Variants in RELN observed in about 807,000 individuals in gnomAD.
The protein encoded by RELN is reelin.
Under a neutral mutation model 427.6 loss-of-function variants are expected in RELN, and 108 were observed. The ratio of observed to expected loss-of-function variants is 0.25; its 90% CI spans 0.22 to 0.30. The LOEUF is 0.30. Among genes scored for constraint, RELN ranks in the 10% least tolerant of loss-of-function variants. The probability of loss-of-function intolerance (pLI) is 1.00; values close to 1 mark genes in which losing one functional copy is unlikely to be tolerated. For synonymous variants in RELN, 1,524 were observed against 1,513.4 expected, an observed-to-expected ratio of 1.01 and a Z score of -0.16; for missense variants, 3,715 against 4,302.8, an observed-to-expected ratio of 0.86 and a Z score of 3.82.
chr7:103,706,963 T>C (rs1212533801), intron 8 of RELN, among the ~76,000 whole-genome samples: 1 of 152,122 alleles, frequency 6.6e-6, no homozygotes. Context: ...CACCCAAACC[T>C]GTAGACCCTC....
At chr7:103,613,271 T>C (rs762660152) in intron 20 of RELN, among the ~76,000 whole-genome samples, 2 of 152,194 alleles carry the variant, frequency 1.3e-5, no homozygotes, top group Non-Finnish European at 2.9e-5. Context: ...ACTGTAAGAT[T>C]GGGAGAGAAA....
chr7:103,545,676 C>G (rs1416791318), intron 41 of RELN, among the ~76,000 whole-genome samples: 1 of 151,918 alleles, frequency 6.6e-6, no homozygotes, highest in Non-Finnish European at 1.5e-5. Flanking sequence ...GAGTCTCACT[C>G]TGTCCCCCAG....
intron 2 of RELN, among the ~76,000 whole-genome samples, chr7:103,856,776 G>A (rs6944294): frequency 0.14 from 21,746 of 151,526 alleles, 1,861 homozygotes; most frequent in East Asian, 0.34. Flanking sequence ...TTTGTATTTG[G>A]TGGCCAAATA....
chr7:103,474,219 ATAAAT>A (rs1177614502), intron 64 of RELN, among the ~76,000 whole-genome samples: 1 of 152,204 alleles, frequency 6.6e-6, no homozygotes, highest in Non-Finnish European at 1.5e-5. Flanking sequence ...AGGAAAAGAC[ATAAAT>A]TGAATTTCAT....
In RELN at chr7:103,696,074, C is replaced by A. The variant is rs143932994; in HGVS notation, c.1143+1779G>T. Among the ~76,000 whole-genome samples the A allele has an allele frequency of 3.5e-4, 53 of 152,198 alleles. 1 individual carries two copies. The highest frequency in any genetic ancestry group is 5.0e-4 in the Non-Finnish European group (34 of 67,996). ...CACCAAATAATTTGTAATAGTTTTT[C>A]TGGTGCTCAACTCTATTATTAAAAG... On this transcript the variant is annotated intron_variant, in intron 10 of 64. Coordinates refer to ENST00000428762, the MANE Select transcript of RELN (RefSeq NM_005045.4).
chr7:103,490,924 A>C, intron 58 of RELN, 95 bp from the exon 59 acceptor site: 1 of 1,232,270 alleles, frequency 8.1e-7, no homozygotes, highest in South Asian at 1.3e-5. Flanking sequence ...TTAAATTAAA[A>C]TATTTGTATA....
chr7:103,491,977 A>G lies in RELN; in HGVS notation c.9419T>C (p.Met3140Thr), dbSNP rs368644580. ...CCTTGCATCCTTAGTGTATTCCAGC[A>G]TTACGGAATGAAGGTCACCACAAGA... ...ATSCGDLHSV[M>T]LEYTKDARSD... is the part of the protein sequence containing the mutation. Residue 3140 changes from methionine to threonine, a missense_variant, in exon 58 of 65, where the codon ATG becomes ACG. By Grantham distance (81) the Met-to-Thr change is moderately conservative. Coordinates refer to ENST00000428762, the MANE Select transcript of RELN (RefSeq NM_005045.4). 6.2e-7 allele frequency: 1 copy of G among 1,613,606 alleles called. No individual in the cohort carries two copies. The highest frequency in any genetic ancestry group is 1.3e-5 in the African/African-American group (1 of 75,006).
At chr7:103,543,931 C>T (rs764180039) in intron 42 of RELN, among the ~76,000 whole-genome samples, 1 of 152,114 alleles carries the variant, frequency 6.6e-6, no homozygotes, top group African/African-American at 2.4e-5. Context: ...CCTCACTTTC[C>T]CCTCCTCCAA....
chr7:103,686,814 A>G (rs936818269), intron 10 of RELN, among the ~76,000 whole-genome samples: 2 of 152,188 alleles, frequency 1.3e-5, no homozygotes, highest in Non-Finnish European at 2.9e-5. Context: ...TGCTATATTA[A>G]AAGAAAACTT....
chr7:103,507,296 A>G (rs2117051603), intron 51 of RELN, among the ~76,000 whole-genome samples: 1 of 152,354 alleles, frequency 6.6e-6, no homozygotes, highest in Non-Finnish European at 1.5e-5. Context: ...AAAACTCCTC[A>G]GCAAATGCAA....
In RELN at chr7:103,561,583, C is replaced by T; in HGVS notation, c.5478G>A (p.Gly1826=). 1 of 1,613,820 alleles carries T rather than the reference C, an allele frequency of 6.2e-7. No homozygotes were observed. The highest frequency in any genetic ancestry group is 2.2e-5 in the East Asian group (1 of 44,882). ...ATTTGATGGTTTCACCATTCAGATT[C>T]CCCCTCTCTGCACCATACACTTCAG... The part of the protein sequence containing the change: ...LWPEVYGAER[G]NLNGETIKSG... The change falls in exon 36 of 65, where the codon GGG becomes GGA. Residue 1826 remains glycine (G), a synonymous_variant. Transcript: ENST00000428762.
intron 4 of RELN, among the ~76,000 whole-genome samples, chr7:103,773,089 T>C (rs1268784757): frequency 6.6e-6 from 1 of 151,126 alleles, no homozygotes; most frequent in Non-Finnish European, 1.5e-5. Flanking sequence ...AGGAGATAGA[T>C]GGTTCTCCTC....
At chr7:103,663,957 A>G (rs1053807508) in intron 11 of RELN, among the ~76,000 whole-genome samples, 10 of 151,820 alleles carry the variant, frequency 6.6e-5, no homozygotes, top group African/African-American at 1.5e-4. Context: ...CTCTTTCTCT[A>G]CCCTTGCTAC....
intron 10 of RELN, among the ~76,000 whole-genome samples, chr7:103,695,606 A>G (rs867526697): frequency 3.3e-5 from 5 of 152,090 alleles, no homozygotes; most frequent in Non-Finnish European, 7.4e-5. Flanking sequence ...AGCTAATTAG[A>G]TTAGTGTAAT....
intron 46 of RELN, among the ~76,000 whole-genome samples, chr7:103,533,587 T>C (rs1455648061): frequency 6.6e-6 from 1 of 152,136 alleles, no homozygotes; most frequent in Non-Finnish European, 1.5e-5. Context: ...TTTAAGACAA[T>C]TGTACATGAG....
chr7:103,535,165 A>C (rs1238943411), intron 46 of RELN, 151 bp downstream of exon 46: 7 of 776,214 alleles, frequency 9.0e-6, no homozygotes, highest in Non-Finnish European at 1.5e-5. Flanking sequence ...TATTTTACTC[A>C]TTAAGACAGC....
chr7:103,940,798 G>A (rs1796096504), intron 1 of RELN, among the ~76,000 whole-genome samples: 1 of 152,204 alleles, frequency 6.6e-6, no homozygotes, highest in Non-Finnish European at 1.5e-5. Flanking sequence ...TCAGAGAAGA[G>A]ATACCTGAAA....
At position 103,471,860 on chromosome 7, in the gene RELN, A is replaced by C. The variant is rs1221944834; in HGVS notation, c.*952T>G. ...GGTTCACCCTAGAGTGCAACCTTTCAGTTACACAAATAGCATTCAGAGCTA... is the reference window on the plus strand; with the variant it reads ...GGTTCACCCTAGAGTGCAACCTTTCCGTTACACAAATAGCATTCAGAGCTA... On this transcript the variant is annotated 3_prime_UTR_variant, in exon 65 of 65. Coordinates refer to ENST00000428762, the MANE Select transcript of RELN (RefSeq NM_005045.4). The C allele has an allele frequency of 6.6e-6, 1 of 152,620 alleles. No individual in the cohort carries two copies. The highest frequency in any genetic ancestry group is 1.5e-5 in the Non-Finnish European group (1 of 68,022). The allele number at this position is 152,620 out of a possible 1,614,324, so 9.5% of individuals were successfully genotyped here.
At chr7:103,599,491 C>T (rs1831615286) in intron 24 of RELN, among the ~76,000 whole-genome samples, 1 of 152,136 alleles carries the variant, frequency 6.6e-6, no homozygotes, top group Non-Finnish European at 1.5e-5. Flanking sequence ...TAGTGCATGA[C>T]ATGCATTTCT....
Sources: gnomAD v4.1 joint callset for allele counts (sites outside exome capture counted in the v4.1 genomes callset) on GRCh38, gnomAD v4.1.1 for gene constraint, MANE v1.5 for transcripts, NCBI Gene and HGNC (gene_info 2026-07-23, HGNC 2026-07-21) for gene names.